RNF19A: variants seen among roughly 807,000 people sequenced by gnomAD.
The protein encoded by RNF19A is E3 ubiquitin-protein ligase RNF19A.
Under a neutral mutation model 75.7 loss-of-function variants are expected in RNF19A, and 32 were observed. The observed-to-expected ratio is 0.42, with a 90% CI of 0.32 to 0.57. RNF19A has a LOEUF of 0.57. RNF19A is among the 20% of genes least tolerant of loss of function. RNF19A has a pLI of 0.10. For synonymous variants in RNF19A, 335 were observed against 345.2 expected, an observed-to-expected ratio of 0.97 and a Z score of 0.33; for missense variants, 782 against 1,036.3, an observed-to-expected ratio of 0.75 and a Z score of 3.37.
rs117768463 is a variant in RNF19A at position 100,322,569 on chromosome 8, C to T, written c.-242-9197G>A. Among the ~76,000 whole-genome samples the T allele has an allele frequency of 7.8e-3, 1,193 of 152,352 alleles. 3 individuals carry two copies. The highest frequency in any genetic ancestry group is 0.013 in the Non-Finnish European group (908 of 68,028). Reference sequence around the variant, plus strand: ...CTGGAGTAGCAATTTTAACATCCTTCAAGAACTTTTCCTTTGCATTTACAA... The same window carrying T: ...CTGGAGTAGCAATTTTAACATCCTTTAAGAACTTTTCCTTTGCATTTACAA... On this transcript the variant is annotated intron_variant, in intron 1 of 3. Transcript: ENST00000519527. The surrounding 1 kb of genome is among the most constrained non-coding windows in gnomAD (Gnocchi z 5.1).
chr8:100,281,059 T>G (rs1343674212), intron 2 of RNF19A, among the ~76,000 whole-genome samples: 1 of 152,196 alleles, frequency 6.6e-6, no homozygotes, highest in Non-Finnish European at 1.5e-5. Context: ...CCCCAGACCT[T>G]AGTTTAGTGG....
At position 100,325,560 on chromosome 8, in the gene RNF19A, G is replaced by A. The variant is rs1372939749; in HGVS notation, c.-243+10548C>T. On this transcript the variant is annotated intron_variant, in intron 1 of 3. Transcript: ENST00000519527. This position sits in a 1 kb window ranked among gnomAD's most constrained non-coding sequence, Gnocchi z 4.3. ...CCCAGGAATTTGGATCTAGTTCTCT[G>A]CCCTCAGCAGCACCACACCTCTAGC... is the stretch of plus-strand genomic sequence containing the variant. 6.6e-6 allele frequency among the ~76,000 whole-genome samples: 1 copy of A among 152,016 alleles called. No homozygotes were observed. The highest frequency in any genetic ancestry group is 6.6e-5 in the Admixed American group (1 of 15,244).
chr8:100,321,049 T>C (rs1586699685), intron 1 of RNF19A, among the ~76,000 whole-genome samples: 1 of 152,340 alleles, frequency 6.6e-6, no homozygotes, highest in East Asian at 1.9e-4. Context: ...TCGATGTTGA[T>C]GGTGGCTGAA....
chr8:100,298,198 T>A (rs1008677254), intron 1 of RNF19A, among the ~76,000 whole-genome samples: 32 of 144,398 alleles, frequency 2.2e-4, no homozygotes, highest in Non-Finnish European at 3.7e-4. Context: ...TGTATTGGGT[T>A]AAAAAAAAAA....
intron 1 of RNF19A, among the ~76,000 whole-genome samples, chr8:100,321,274 T>TATGA (rs1284860500): frequency 6.6e-6 from 1 of 152,268 alleles, no homozygotes; most frequent in Non-Finnish European, 1.5e-5. Flanking sequence ...CAACTAAGTT[T>TATGA]ATGAAATCTT....
chr8:100,306,748 T>C (rs529598490), intron 1 of RNF19A, among the ~76,000 whole-genome samples: 1 of 152,334 alleles, frequency 6.6e-6, no homozygotes, highest in East Asian at 1.9e-4. Context: ...CCCTTAGTCT[T>C]TAGCTGTGCA....
rs1822234915 is a variant in RNF19A at position 100,309,934 on chromosome 8, A to G, written c.-161T>C. 1.0e-6 allele frequency: 1 copy of G among 985,806 alleles called. No homozygotes were observed. Among genetic ancestry groups the G allele is most frequent in the Admixed American group, 6.1e-5 (1 of 16,274 alleles). 61.1% of individuals were successfully genotyped at this position (985,806 alleles called of 1,614,324 possible). A position where few individuals can be genotyped will look rare whatever the true frequency, so the allele number is the denominator to read the frequency against. On this transcript the variant is annotated 5_prime_UTR_variant, in exon 1 of 10. Coordinates refer to ENST00000341084, the MANE Select transcript of RNF19A (RefSeq NM_183419.4). ...GTAGGCCCATCTCCCAGCAGCGGCG[A>G]CAGCAGCCTGAGGAAGCGCGGGGGA...
In RNF19A at chr8:100,322,135, A is replaced by C. The variant is rs140658482; in HGVS notation, c.-242-8763T>G. ...AAGGAGAGAGTCAGCCTCTCCTTTG[A>C]AGCTTTGAAGCCAAGCATTGACTTC... On this transcript the variant is annotated intron_variant, in intron 1 of 3. Transcript: ENST00000519527. This position sits in a 1 kb window ranked among gnomAD's most constrained non-coding sequence, Gnocchi z 5.1. Among the ~76,000 whole-genome samples, 43 of 152,324 alleles carry C rather than the reference A, an allele frequency of 2.8e-4. No individual in the cohort carries two copies. Among genetic ancestry groups the C allele is most frequent in the Non-Finnish European group, 5.3e-4 (36 of 68,024 alleles).
upstream of RNF19A, chr8:100,310,303 C>T (rs1014905145): frequency 1.1e-6 from 1 of 947,112 alleles, no homozygotes; most frequent in African/African-American, 1.8e-5. Context: ...CCCGCTGCAC[C>T]CGGGTGGCCC....
At chr8:100,316,621 A>G (rs965969941) in intron 1 of RNF19A, among the ~76,000 whole-genome samples, 2 of 152,184 alleles carry the variant, frequency 1.3e-5, no homozygotes, top group African/African-American at 2.4e-5. Flanking sequence ...AGCTAGACAC[A>G]GGGTGCTGAT....
chr8:100,276,180 C>T (rs1401572178), intron 2 of RNF19A, among the ~76,000 whole-genome samples: 1 of 152,044 alleles, frequency 6.6e-6, no homozygotes, highest in Non-Finnish European at 1.5e-5. Flanking sequence ...TCAGAATAAC[C>T]AAAACTGGAA....
intron 3 of RNF19A, among the ~76,000 whole-genome samples, chr8:100,272,684 G>A (rs150679013): frequency 6.6e-6 from 1 of 152,082 alleles, no homozygotes; most frequent in East Asian, 1.9e-4. Context: ...CACACCACTA[G>A]AGATGCACAC....
rs1822643732 is a variant in RNF19A, at chr8:100,334,000, T to TA, written c.-243+2107_-243+2108insT. ...TACTACTACTGCCCAATAAACATCC[T>TA]CCACCCTAGTTGGACTGGTCTGTCA... On this transcript the variant is annotated intron_variant, in intron 1 of 3. Transcript: ENST00000519527. This position sits in a 1 kb window ranked among gnomAD's most constrained non-coding sequence, Gnocchi z 4.7. 6.6e-6 allele frequency among the ~76,000 whole-genome samples: 1 copy of TA among 152,210 alleles called. No homozygotes were observed. The highest frequency in any genetic ancestry group is 1.5e-5 in the Non-Finnish European group (1 of 68,040).
At position 100,304,797 on chromosome 8, in the gene RNF19A, G is replaced by GT. The variant is rs1821998963; in HGVS notation, c.-94+5069dup. Among the ~76,000 whole-genome samples the GT allele has an allele frequency of 3.9e-5, 6 of 152,222 alleles. No homozygotes were observed. In the South Asian group the frequency reaches 1.2e-3, roughly 32 times the overall value. On this transcript the variant is annotated intron_variant, in intron 1 of 9. Transcript: ENST00000341084. ...CCAGTCTCATGGGAACTTCTATCCT[G>GT]TTTTTTACACTGAGCCTTGCTCTGA...
intron 1 of RNF19A, among the ~76,000 whole-genome samples, chr8:100,315,993 T>C (rs188893271): frequency 1.2e-4 from 18 of 152,352 alleles, no homozygotes; most frequent in Non-Finnish European, 2.6e-4. Flanking sequence ...ACTTCAAGAA[T>C]GAAGCCGTGG....
At chr8:100,314,190 T>C (rs1822341197), upstream of RNF19A, among the ~76,000 whole-genome samples, 7 of 151,438 alleles carry the variant, frequency 4.6e-5, 1 homozygote, top group South Asian at 1.5e-3. The surrounding 1 kb of genome is among the most constrained non-coding windows in gnomAD (Gnocchi z 4.1). Context: ...CGAGAACTAC[T>C]CTTTATTGCA....
chr8:100,315,902 A>G (rs1822366001), intron 1 of RNF19A, among the ~76,000 whole-genome samples: 1 of 152,212 alleles, frequency 6.6e-6, no homozygotes, highest in African/African-American at 2.4e-5. Flanking sequence ...GTTTTCCACA[A>G]GCTCTCCAGG....
intron 1 of RNF19A, among the ~76,000 whole-genome samples, chr8:100,315,868 A>G (rs1171160695): frequency 6.6e-6 from 1 of 152,140 alleles, no homozygotes; most frequent in Non-Finnish European, 1.5e-5. Context: ...CTCATTTTCT[A>G]TGGGGTTGGG....
At chr8:100,268,333 T>C (rs1314894094) in intron 5 of RNF19A, among the ~76,000 whole-genome samples, 1 of 152,098 alleles carries the variant, frequency 6.6e-6, no homozygotes, top group Non-Finnish European at 1.5e-5. Flanking sequence ...ATAGTGTATT[T>C]ATTAAAAGCA....
Sources: allele counts gnomAD v4.1 joint callset (sites outside exome capture counted in the v4.1 genomes callset), GRCh38; gene constraint gnomAD v4.1.1; non-coding constraint Gnocchi (gnomAD v3.1); transcripts MANE v1.5; gene names NCBI Gene and HGNC (gene_info 2026-07-23, HGNC 2026-07-21).